TIMP3: variants seen among roughly 807,000 people sequenced by gnomAD.
TIMP3 encodes the protein TIMP metallopeptidase inhibitor 3.
Under a neutral mutation model 30.0 loss-of-function variants are expected in TIMP3, and 11 were observed. The ratio of observed to expected loss-of-function variants is 0.37; its 90% CI spans 0.23 to 0.61. TIMP3 has a LOEUF of 0.61. TIMP3 is among the 20% of genes least tolerant of loss of function. TIMP3 has a pLI of 0.70. For synonymous variants in TIMP3, 112 were observed against 111.3 expected (o/e 1.01, Z -0.04); for missense variants, 181 against 276.8 (o/e 0.65, Z 2.45).
chr22:32,806,270 T>C (rs1226964490), intron 1 of TIMP3, among the ~76,000 whole-genome samples: 3 of 152,146 alleles, frequency 2.0e-5, no homozygotes, highest in Admixed American at 6.5e-5. Flanking sequence ...TCACAGTCCC[T>C]GGATAGATAA....
rs192052699 is a variant in TIMP3 at position 32,834,893 on chromosome 22, A to G, written c.122-14559A>G. 1.8e-3 allele frequency among the ~76,000 whole-genome samples: 280 copies of G among 152,302 alleles called. 1 individual carries two copies. Among genetic ancestry groups the G allele is most frequent in the African/African-American group, 6.6e-3 (273 of 41,560 alleles). On this transcript the variant is annotated intron_variant, in intron 1 of 4. Transcript: ENST00000266085. ...CCTAAAGAATCCTCCATTCAAGCTT[A>G]TATCTGTCACCCAGGGAACTGGACA...
chr22:32,845,508 C>T (rs1205932557), intron 1 of TIMP3, among the ~76,000 whole-genome samples: 1 of 152,100 alleles, frequency 6.6e-6, no homozygotes, highest in Non-Finnish European at 1.5e-5. Flanking sequence ...ACTTTTAAAC[C>T]TTATCTCCCC....
intron 1 of TIMP3, among the ~76,000 whole-genome samples, chr22:32,824,860 T>C (rs2047355390): frequency 6.6e-6 from 1 of 152,204 alleles, no homozygotes; most frequent in African/African-American, 2.4e-5. Context: ...TGCAGAATAC[T>C]GATTGCCCAT....
chr22:32,813,458 A>T (rs189999043), intron 1 of TIMP3, among the ~76,000 whole-genome samples: 190 of 150,578 alleles, frequency 1.3e-3, no homozygotes, highest in African/African-American at 4.6e-3. Context: ...AGAAATCCAA[A>T]TTTTTAATGT....
At chr22:32,805,856 T>C (rs2046719952) in intron 1 of TIMP3, among the ~76,000 whole-genome samples, 1 of 152,078 alleles carries the variant, frequency 6.6e-6, no homozygotes, top group Non-Finnish European at 1.5e-5. Context: ...GAAGAATGCT[T>C]TTCTTCTACA....
chr22:32,853,748 T>C (rs1332049054), intron 2 of TIMP3, among the ~76,000 whole-genome samples: 1 of 152,232 alleles, frequency 6.6e-6, no homozygotes, highest in Non-Finnish European at 1.5e-5. Context: ...CAGTATAACT[T>C]GTTCTAAGCT....
chr22:32,803,957 G>A (rs1291569605), intron 1 of TIMP3, among the ~76,000 whole-genome samples: 1 of 152,146 alleles, frequency 6.6e-6, no homozygotes, highest in Non-Finnish European at 1.5e-5. Context: ...AGTAGATCCT[G>A]CTTCCAATGG....
chr22:32,826,213 G>C (rs1470640967), intron 1 of TIMP3, among the ~76,000 whole-genome samples: 1 of 152,164 alleles, frequency 6.6e-6, no homozygotes, highest in Non-Finnish European at 1.5e-5. Flanking sequence ...AGCATCACTT[G>C]AGGTCAGGAG....
chr22:32,840,262 T>C (rs1017416406), intron 1 of TIMP3, among the ~76,000 whole-genome samples: 24 of 152,310 alleles, frequency 1.6e-4, no homozygotes, highest in African/African-American at 4.6e-4. Flanking sequence ...AAACCAAGAT[T>C]AATATTTTTA....
chr22:32,839,137 T>C (rs1307412893), intron 1 of TIMP3, among the ~76,000 whole-genome samples: 1 of 151,830 alleles, frequency 6.6e-6, no homozygotes, highest in Non-Finnish European at 1.5e-5. Flanking sequence ...GTTCATATAG[T>C]GATGGGGGCT....
At chr22:32,857,119 A>G in intron 2 of TIMP3, 130 bp from the exon 3 acceptor site, 1 of 745,686 alleles carries the variant, frequency 1.3e-6, no homozygotes, top group Non-Finnish European at 2.4e-6. Flanking sequence ...TGCAGTCAAC[A>G]TGAGAGTGCA....
chr22:32,845,566 G>C (rs2048036746), intron 1 of TIMP3, among the ~76,000 whole-genome samples: 1 of 152,126 alleles, frequency 6.6e-6, no homozygotes, highest in African/African-American at 2.4e-5. Flanking sequence ...TCTATTTCTT[G>C]TTGTCACCCT....
At chr22:32,811,360 T>C (rs1419618025) in intron 1 of TIMP3, among the ~76,000 whole-genome samples, 1 of 152,192 alleles carries the variant, frequency 6.6e-6, no homozygotes, top group Non-Finnish European at 1.5e-5. Context: ...AATAGCTCAA[T>C]AAGAATAAGC....
chr22:32,816,949 A>G (rs1318324453), intron 1 of TIMP3, among the ~76,000 whole-genome samples: 1 of 152,122 alleles, frequency 6.6e-6, no homozygotes, highest in Non-Finnish European at 1.5e-5. Context: ...AGCCGGGCAC[A>G]GCGGCTCACG....
intron 1 of TIMP3, among the ~76,000 whole-genome samples, chr22:32,828,420 G>C (rs1282686810): frequency 1.3e-5 from 2 of 152,238 alleles, no homozygotes; most frequent in Non-Finnish European, 1.5e-5. Flanking sequence ...TGCTGTGTTA[G>C]AGCCAGCCTC....
rs572056709 is a variant in TIMP3, at chr22:32,857,800, C to A, written c.317-217C>A. Among the ~76,000 whole-genome samples the A allele has an allele frequency of 2.0e-5, 3 of 152,256 alleles. No individual in the cohort carries two copies. The East Asian group carries it at 5.8e-4, about 29-fold the overall frequency. ...TATTTAATGGGCTTGGGACCTTTGG[C>A]AAATCACTTTACCTCTCCAAGCCTC... On this transcript the variant is annotated intron_variant, in intron 3 of 4. Transcript: ENST00000266085.
chr22:32,851,042 T>C (rs2048204383), intron 2 of TIMP3, among the ~76,000 whole-genome samples: 1 of 152,182 alleles, frequency 6.6e-6, no homozygotes, highest in African/African-American at 2.4e-5. Context: ...CCAGTTGCCC[T>C]TGGCTGCCTA....
At chr22:32,850,817 C>T (rs1357379829) in intron 2 of TIMP3, among the ~76,000 whole-genome samples, 1 of 152,136 alleles carries the variant, frequency 6.6e-6, no homozygotes, top group Non-Finnish European at 1.5e-5. Flanking sequence ...CTGGAAACTC[C>T]CCAGAGGAGA....
chr22:32,838,843 T>C (rs2047812299), intron 1 of TIMP3, among the ~76,000 whole-genome samples: 1 of 151,844 alleles, frequency 6.6e-6, no homozygotes, highest in Non-Finnish European at 1.5e-5. Flanking sequence ...CTGGCCACAA[T>C]CTAGGCTCTA....
Sources: gnomAD v4.1 joint callset for allele counts (sites outside exome capture counted in the v4.1 genomes callset) on GRCh38, gnomAD v4.1.1 for gene constraint, MANE v1.5 for transcripts, NCBI Gene and HGNC (gene_info 2026-07-23, HGNC 2026-07-21) for gene names.